The following FER1L6 variants were observed in gnomAD, a reference collection of about 807,000 sequenced individuals.
FER1L6 encodes the protein fer-1 like family member 6.
Under a neutral mutation model 219.2 loss-of-function variants are expected in FER1L6, and 177 were observed. That is an observed-to-expected ratio of 0.81 (90% CI 0.71 to 0.91). FER1L6 has a LOEUF of 0.91. FER1L6 is among the 40% of genes least tolerant of loss of function. The probability of loss-of-function intolerance (pLI) is 0.00; values close to 1 mark genes in which losing one functional copy is unlikely to be tolerated. For missense variants in FER1L6, 2,153 were observed against 2,259.9 expected, an observed-to-expected ratio of 0.95 and a Z score of 0.96; for synonymous variants, 768 against 824.3, an observed-to-expected ratio of 0.93 and a Z score of 1.17.
In FER1L6 at chr8:124,060,232, C is replaced by T; in HGVS notation, c.2927C>T (p.Thr976Ile). Residue 976 changes from threonine to isoleucine, a missense_variant, in exon 23 of 41, where the codon ACC (threonine) becomes ATC (isoleucine). Physicochemically the swap from Thr to Ile is moderately conservative, Grantham distance 89. Coordinates refer to ENST00000522917, the MANE Select transcript of FER1L6 (RefSeq NM_001039112.2). ...GLPPVEPPDI[T>I]QIYPVPANIR... Reference sequence around the variant, plus strand: ...CCACCCGTTGAGCCACCAGACATCACCCAGATCTACCCGGTTCCTGCCAAC... The same window carrying T: ...CCACCCGTTGAGCCACCAGACATCATCCAGATCTACCCGGTTCCTGCCAAC... 1 of 1,614,158 alleles carries T rather than the reference C, an allele frequency of 6.2e-7. No individual in the cohort carries two copies. The highest frequency in any genetic ancestry group is 8.5e-7 in the Non-Finnish European group (1 of 1,180,020).
At position 123,975,285 on chromosome 8, in the gene FER1L6, A is replaced by G. The variant is rs1340033516; in HGVS notation, c.662A>G (p.Asp221Gly). 6.2e-7 allele frequency: 1 copy of G among 1,611,134 alleles called. No individual in the cohort carries two copies. The highest frequency in any genetic ancestry group is 8.5e-7 in the Non-Finnish European group (1 of 1,178,448). Reference protein sequence around the residue: ...DVLKTSPKTSDTEEPIEKNLL... With the variant: ...DVLKTSPKTSGTEEPIEKNLL... The stretch of plus-strand genomic sequence containing the variant: ...TTGAAGACCAGCCCTAAAACTTCTG[A>G]CACCGAGGAGCCAATAGAAAAGTAA... The change falls in exon 8 of 41, where the codon GAC becomes GGC. Residue 221 changes from aspartate to glycine, a missense_variant. By Grantham distance (94) the Asp-to-Gly change is moderately conservative (BLOSUM62 -1). Transcript: ENST00000522917.
At chr8:124,009,979 T>C (rs537785429) in intron 13 of FER1L6, among the ~76,000 whole-genome samples, 1,760 of 143,358 alleles carry the variant, frequency 0.012, no homozygotes, top group East Asian at 0.053. Flanking sequence ...TGTCGTAGTT[T>C]GAGGGTCTGC....
rs150652703 is a variant in FER1L6 at position 124,043,950 on chromosome 8, G to A, written c.2590-1817G>A. ...CTATTGAGCATCTGCTATGCACAGA[G>A]TGCTGTGTTAGTGTCTAATACTGTG... On this transcript the variant is annotated intron_variant, in intron 20 of 40. Coordinates refer to ENST00000522917, the MANE Select transcript of FER1L6 (RefSeq NM_001039112.2). Among the ~76,000 whole-genome samples the A allele has an allele frequency of 5.1e-3, 776 of 152,334 alleles. 6 individuals are homozygous for A. Among genetic ancestry groups the A allele is most frequent in the African/African-American group, 0.018 (735 of 41,576 alleles).
chr8:123,938,422 G>A (rs975114028), intron 1 of FER1L6, among the ~76,000 whole-genome samples: 3 of 151,996 alleles, frequency 2.0e-5, no homozygotes, highest in Non-Finnish European at 4.4e-5. Flanking sequence ...TTTGACATTT[G>A]GTGGAACCAT....
chr8:123,892,987 G>A (rs1016732057), intron 1 of FER1L6, among the ~76,000 whole-genome samples: 3 of 152,012 alleles, frequency 2.0e-5, no homozygotes, highest in African/African-American at 7.3e-5. Context: ...CCAGGATTGT[G>A]TGAGAGTCCT....
chr8:124,103,193 G>A lies in FER1L6; in HGVS notation c.5173G>A (p.Ala1725Thr), dbSNP rs928651293. The stretch of plus-strand genomic sequence containing the variant: ...CAGTTTCCCTCGAGCAGCTAAGTCT[G>A]CCAAAGCCTGTGATCTTGCCAAGTT... ...LNSFPRAAKSAKACDLAKFEN... is the reference protein window; with the variant it reads ...LNSFPRAAKSTKACDLAKFEN... The change falls in exon 39 of 41, where the codon GCC (alanine) becomes ACC (threonine). Residue 1725 changes from alanine to threonine, a missense_variant. Coordinates refer to ENST00000522917, the MANE Select transcript of FER1L6 (RefSeq NM_001039112.2). 1 of 1,614,100 alleles carries A rather than the reference G, an allele frequency of 6.2e-7. No homozygotes were observed. The highest frequency in any genetic ancestry group is 1.1e-5 in the South Asian group (1 of 91,082).
chr8:124,018,588 C>T (rs1438323130), intron 16 of FER1L6, among the ~76,000 whole-genome samples: 1 of 152,022 alleles, frequency 6.6e-6, no homozygotes, highest in African/African-American at 2.4e-5. Context: ...ATCTCTGCAG[C>T]TTCCCTCTAC....
At chr8:124,104,097 G>A (rs1822659790) in intron 39 of FER1L6, among the ~76,000 whole-genome samples, 1 of 152,190 alleles carries the variant, frequency 6.6e-6, no homozygotes, top group African/African-American at 2.4e-5. Context: ...GTAAATGGGA[G>A]CTGCTGGTCT....
At chr8:124,011,842 T>G (rs1244438749) in intron 14 of FER1L6, among the ~76,000 whole-genome samples, 1 of 152,326 alleles carries the variant, frequency 6.6e-6, no homozygotes, top group African/African-American at 2.4e-5. Context: ...ATTTGTGTGT[T>G]TATTTGTTCA....
At chr8:123,902,889 T>C (rs1476001336) in intron 1 of FER1L6, among the ~76,000 whole-genome samples, 4 of 152,178 alleles carry the variant, frequency 2.6e-5, no homozygotes, top group African/African-American at 7.2e-5. Context: ...TATTTTTGTT[T>C]TATAGGTCCG....
intron 33 of FER1L6, among the ~76,000 whole-genome samples, chr8:124,083,021 TG>T (rs1331740538): frequency 6.9e-5 from 5 of 72,252 alleles, no homozygotes; most frequent in Non-Finnish European, 1.5e-4. Flanking sequence ...CACACACATA[TG>T]GGGTATATGA....
At chr8:123,858,130 G>A (rs1016429853) in intron 1 of FER1L6, among the ~76,000 whole-genome samples, 1 of 152,128 alleles carries the variant, frequency 6.6e-6, no homozygotes, top group Non-Finnish European at 1.5e-5. Context: ...CTCCTCTGAT[G>A]GGTTCTCCTA....
At chr8:123,969,867 CAAAAAA>C (rs369712009) in intron 5 of FER1L6, among the ~76,000 whole-genome samples, 162 bp from the exon 6 acceptor site, 1 of 72,020 alleles carries the variant, frequency 1.4e-5, no homozygotes, top group African/African-American at 5.7e-5. Context: ...ACCCTGTCTC[CAAAAAA>C]AAAAAAAAAA....
rs570016569 is a variant in FER1L6, at chr8:124,071,726, A to G, written c.4092+95A>G. On this transcript the variant is annotated intron_variant, in intron 31 of 40. Coordinates refer to ENST00000522917, the MANE Select transcript of FER1L6 (RefSeq NM_001039112.2). Reference sequence around the variant, plus strand: ...AGACTGGGAGGCTTAAACAACAGAAATTTACTTTCCCACAGTTTTGAATGC... The same window carrying G: ...AGACTGGGAGGCTTAAACAACAGAAGTTTACTTTCCCACAGTTTTGAATGC... The G allele has an allele frequency of 4.1e-5, 59 of 1,451,262 alleles. No homozygotes were observed. The African/African-American group carries it at 8.0e-4, about 20-fold the overall frequency. 89.9% of individuals were successfully genotyped at this position (1,451,262 alleles called of 1,614,324 possible).
At chr8:124,000,358 G>T (rs1351023618) in intron 12 of FER1L6, among the ~76,000 whole-genome samples, 1 of 152,190 alleles carries the variant, frequency 6.6e-6, no homozygotes, top group East Asian at 1.9e-4. Flanking sequence ...TCACTCACCT[G>T]ATTGCTGGTT....
At chr8:124,015,607 A>ATATATATATATATATATATATGTATG (rs71289634) in intron 15 of FER1L6, among the ~76,000 whole-genome samples, 2 of 88,606 alleles carry the variant, frequency 2.3e-5, no homozygotes, top group African/African-American at 8.6e-5. Context: ...ATATATATAT[A>ATATATATATATATATATATATGTATG]TATATATATT....
intron 33 of FER1L6, among the ~76,000 whole-genome samples, chr8:124,086,758 T>C (rs1821802087): frequency 6.6e-6 from 1 of 152,236 alleles, no homozygotes; most frequent in South Asian, 2.1e-4. Context: ...TCTTTTAGCA[T>C]TTCTTATAGG....
At chr8:123,974,639 A>G (rs1010038915) in intron 7 of FER1L6, among the ~76,000 whole-genome samples, 1 of 141,212 alleles carries the variant, frequency 7.1e-6, no homozygotes, top group Non-Finnish European at 1.5e-5. Context: ...CCAGCCAGGC[A>G]TCACAGCGAG....
rs916277325 is a variant in FER1L6, at chr8:123,856,052, A to T, written c.-8+3867A>T. ...ATGTATATGAGATATATGTATATAC[A>T]TATGTGTATGAGATATATGTATATA... On this transcript the variant is annotated intron_variant, in intron 1 of 40. Coordinates refer to ENST00000522917, the MANE Select transcript of FER1L6 (RefSeq NM_001039112.2). Among the ~76,000 whole-genome samples, 1,102 of 130,382 alleles carry T rather than the reference A, an allele frequency of 8.5e-3. 1 individual carries two copies. The highest frequency in any genetic ancestry group is 0.032 in the African/African-American group (1,041 of 32,698). 85.5% of individuals were successfully genotyped at this position (130,382 alleles called of 152,430 possible). A position where few individuals can be genotyped will look rare whatever the true frequency, so the allele number is the denominator to read the frequency against.
Sources: gnomAD v4.1 joint callset for allele counts (sites outside exome capture counted in the v4.1 genomes callset) on GRCh38, gnomAD v4.1.1 for gene constraint, MANE v1.5 for transcripts, NCBI Gene and HGNC (gene_info 2026-07-23, HGNC 2026-07-21) for gene names.